The following GC variants were observed in gnomAD, a reference collection of about 807,000 sequenced individuals.
GC encodes the protein GC vitamin D binding protein.
Under a neutral mutation model 56.7 loss-of-function variants are expected in GC, and 43 were observed. That is an observed-to-expected ratio of 0.76 (90% CI 0.59 to 0.98). The LOEUF (loss-of-function observed/expected upper bound fraction) is 0.98. GC is among the 50% of genes least tolerant of loss of function. The pLI is 0.00. For missense variants in GC, 529 were observed against 545.9 expected, an observed-to-expected ratio of 0.97 and a Z score of 0.31; for synonymous variants, 216 against 202.7, an observed-to-expected ratio of 1.07 and a Z score of -0.56.
At chr4:71,752,121 A>G (rs1741576633) in intron 11 of GC, among the ~76,000 whole-genome samples, 1 of 152,128 alleles carries the variant, frequency 6.6e-6, no homozygotes, top group Non-Finnish European at 1.5e-5. Context: ...TATATGAAAT[A>G]CAATTTACCT....
intron 12 of GC, 53 bp downstream of exon 12, chr4:71,746,098 A>G (rs781391886): frequency 2.3e-4 from 169 of 746,112 alleles, no homozygotes; most frequent in Admixed American, 1.1e-3. Flanking sequence ...GATATTTAAA[A>G]TACATCCTAC....
At chr4:71,769,185 C>T in intron 2 of GC, 146 bp downstream of exon 2, 1 of 602,312 alleles carries the variant, frequency 1.7e-6, no homozygotes, top group South Asian at 2.2e-5. Flanking sequence ...TTGCTTGACT[C>T]CTGTGCCTAC....
intron 1 of GC, among the ~76,000 whole-genome samples, chr4:71,796,398 C>G (rs1247415059): frequency 6.6e-6 from 1 of 152,078 alleles, no homozygotes; most frequent in Non-Finnish European, 1.5e-5. Flanking sequence ...TCTTTTCACT[C>G]TATTTCATTA....
chr4:71,755,323 C>T (rs368970048), intron 8 of GC, among the ~76,000 whole-genome samples: 3 of 151,884 alleles, frequency 2.0e-5, no homozygotes, highest in South Asian at 2.1e-4. Context: ...CCACCATGCC[C>T]GGCTAAGTTT....
chr4:71,742,085 G>C (rs897944304), intron 12 of GC, among the ~76,000 whole-genome samples: 1 of 152,066 alleles, frequency 6.6e-6, no homozygotes, highest in African/African-American at 2.4e-5. Context: ...AGTAGTGATG[G>C]CTTTATATGC....
At chr4:71,778,009 A>G (rs1163992624) in intron 1 of GC, among the ~76,000 whole-genome samples, 5 of 151,580 alleles carry the variant, frequency 3.3e-5, no homozygotes, top group Non-Finnish European at 5.9e-5. Context: ...GGTTCTGCAC[A>G]TGTATTCCAG....
At chr4:71,786,522 A>T (rs1425965609), upstream of GC, among the ~76,000 whole-genome samples, 1 of 151,830 alleles carries the variant, frequency 6.6e-6, no homozygotes, top group East Asian at 1.9e-4. Context: ...TAAGCAGTAG[A>T]ATTTTGCAGG....
chr4:71,767,721 G>A (rs1742201279), intron 3 of GC, among the ~76,000 whole-genome samples: 1 of 151,308 alleles, frequency 6.6e-6, no homozygotes, highest in Admixed American at 6.6e-5. Context: ...ACATGGCTAA[G>A]TTCTTTAGGG....
chr4:71,779,523 G>A (rs1742609447), intron 1 of GC, among the ~76,000 whole-genome samples: 1 of 151,794 alleles, frequency 6.6e-6, no homozygotes, highest in African/African-American at 2.4e-5. Context: ...AGATAATGTG[G>A]AGGCCAGTGT....
At chr4:71,743,001 C>T (rs1042633016) in intron 12 of GC, among the ~76,000 whole-genome samples, 1 of 152,024 alleles carries the variant, frequency 6.6e-6, no homozygotes, top group African/African-American at 2.4e-5. Context: ...GGGTAAGAGA[C>T]AGAGATTCTG....
At chr4:71,792,389 T>A (rs1371963497) in intron 1 of GC, among the ~76,000 whole-genome samples, 1 of 152,202 alleles carries the variant, frequency 6.6e-6, no homozygotes, top group Non-Finnish European at 1.5e-5. Flanking sequence ...CTCATTGTGG[T>A]TTTGATTTGC....
At chr4:71,762,453 T>C (rs1349680054) in intron 6 of GC, among the ~76,000 whole-genome samples, 1 of 152,132 alleles carries the variant, frequency 6.6e-6, no homozygotes, top group African/African-American at 2.4e-5. Context: ...ACTGTGGACT[T>C]TTGAGTTAAT....
At chr4:71,747,344 A>C (rs1477649929) in intron 11 of GC, among the ~76,000 whole-genome samples, 2 of 152,126 alleles carry the variant, frequency 1.3e-5, no homozygotes, top group Non-Finnish European at 2.9e-5. Context: ...AACAGTTGAG[A>C]AAATGTAGTG....
chr4:71,771,317 C>G (rs944381873), intron 1 of GC, among the ~76,000 whole-genome samples: 1 of 151,828 alleles, frequency 6.6e-6, no homozygotes. Flanking sequence ...TGATTAGATA[C>G]AGACTTGAAA....
chr4:71,795,417 C>T (rs942327254), intron 1 of GC, among the ~76,000 whole-genome samples: 2 of 152,226 alleles, frequency 1.3e-5, no homozygotes, highest in East Asian at 3.9e-4. Context: ...ATGTAATGGC[C>T]TTGTTTGTCT....
chr4:71,758,111 T>C lies in GC; in HGVS notation c.762A>G (p.Leu254=). Reference sequence around the variant, plus strand: ...AGAGGATGTTAGTAATATCTTCAGCTAGTGGCAAAACATCCTCCAGATCAG... The same window carrying C: ...AGAGGATGTTAGTAATATCTTCAGCCAGTGGCAAAACATCCTCCAGATCAG... ...PTADLEDVLP[L]AEDITNILSK... is the part of the protein sequence containing the mutation. The change falls in exon 7 of 13, where the codon CTA becomes CTG. Residue 254 remains leucine, a synonymous_variant. Coordinates refer to ENST00000273951, the MANE Select transcript of GC (RefSeq NM_000583.4). The C allele has an allele frequency of 1.2e-6, 2 of 1,613,262 alleles. No homozygotes were observed. The highest frequency in any genetic ancestry group is 8.5e-7 in the Non-Finnish European group (1 of 1,179,248).
chr4:71,757,915 C>T lies in GC; in HGVS notation c.831+127G>A, dbSNP rs115884454. The stretch of plus-strand genomic sequence containing the variant: ...GTGATGTTAATAATTATTTATATTT[C>T]ATAGAATACATGTAAGCATCCGTTA... On this transcript the variant is annotated intron_variant, in intron 7 of 12. Coordinates refer to ENST00000273951, the MANE Select transcript of GC (RefSeq NM_000583.4). The T allele has an allele frequency of 3.1e-3, 2,075 of 660,332 alleles. 24 individuals carry two copies. In the African/African-American group the frequency reaches 0.033, roughly 11 times the overall value. The allele number at this position is 660,332 out of a possible 1,614,324, so 40.9% of individuals were successfully genotyped here.
At chr4:71,764,078 C>T (rs1228912113) in intron 4 of GC, 142 bp from the exon 5 acceptor site, 9 of 622,076 alleles carry the variant, frequency 1.4e-5, no homozygotes, top group South Asian at 4.0e-5. Context: ...ACCTCCTGGC[C>T]TCAAGCGATC....
intron 1 of GC, among the ~76,000 whole-genome samples, chr4:71,789,896 A>C (rs1246399744): frequency 1.3e-5 from 2 of 151,902 alleles, no homozygotes; most frequent in East Asian, 3.9e-4. Flanking sequence ...AGATGGAAGG[A>C]ATCTGTGAGC....
Sources: gnomAD v4.1 joint callset for allele counts (sites outside exome capture counted in the v4.1 genomes callset) on GRCh38, gnomAD v4.1.1 for gene constraint, MANE v1.5 for transcripts, NCBI Gene and HGNC (gene_info 2026-07-23, HGNC 2026-07-21) for gene names.